The following EIF2A variants were observed in gnomAD, a reference collection of about 807,000 sequenced individuals.
EIF2A encodes the protein 65 kDa eukaryotic translation initiation factor 2A.
EIF2A carries 62 observed loss-of-function variants against 75.2 expected under a neutral mutation model. The observed-to-expected ratio is 0.82, with a 90% CI of 0.67 to 1.02. The LOEUF is 1.02. Ranked by LOEUF, EIF2A falls within the 50% of genes least tolerant of loss-of-function variation. The pLI is 0.00. For synonymous variants in EIF2A, 207 were observed against 239.0 expected (o/e 0.87, Z 1.23); for missense variants, 611 against 677.7 (o/e 0.90, Z 1.09).
At chr3:150,555,675 G>A (rs1723524708) in intron 2 of EIF2A, among the ~76,000 whole-genome samples, 1 of 151,920 alleles carries the variant, frequency 6.6e-6, no homozygotes, top group Admixed American at 6.5e-5. Context: ...GATCACTTGA[G>A]CCCAGGAGTT....
intron 11 of EIF2A, among the ~76,000 whole-genome samples, chr3:150,580,229 G>T (rs1039592330): frequency 6.6e-6 from 1 of 152,052 alleles, no homozygotes; most frequent in Non-Finnish European, 1.5e-5. Context: ...GGTGACTTGT[G>T]GGGGAAGGTG....
chr3:150,549,214 CTTTCTTTCT>C (rs1456653774), intron 1 of EIF2A, among the ~76,000 whole-genome samples: 2 of 111,762 alleles, frequency 1.8e-5, no homozygotes, highest in African/African-American at 6.6e-5. Flanking sequence ...TTCTTTCTTT[CTTTCTTTCT>C]TTTTTTTTTT....
At chr3:150,556,408 T>A (rs1053951443) in intron 2 of EIF2A, among the ~76,000 whole-genome samples, 2 of 152,200 alleles carry the variant, frequency 1.3e-5, no homozygotes, top group African/African-American at 4.8e-5. Context: ...CCTGGGGAGC[T>A]GTTAAAAAAC....
chr3:150,567,833 T>A (rs548363236), intron 7 of EIF2A, 67 bp downstream of exon 7: 1 of 1,575,832 alleles, frequency 6.3e-7, no homozygotes, highest in Non-Finnish European at 8.6e-7. Flanking sequence ...TTTGTGATTG[T>A]AAAAACATGT....
At chr3:150,557,205 G>A (rs1286463545) in intron 2 of EIF2A, among the ~76,000 whole-genome samples, 1 of 152,072 alleles carries the variant, frequency 6.6e-6, no homozygotes, top group African/African-American at 2.4e-5. Context: ...TGTAATGTAA[G>A]GACTGACTAA....
chr3:150,571,006 C>T (rs1724483471), intron 9 of EIF2A, among the ~76,000 whole-genome samples: 1 of 150,570 alleles, frequency 6.6e-6, no homozygotes, highest in South Asian at 2.2e-4. Flanking sequence ...GCAGAGGTTG[C>T]ATTGAGCCGA....
intron 6 of EIF2A, chr3:150,565,872 C>A (rs62283992): frequency 2.7e-5 from 4 of 146,440 alleles, no homozygotes; most frequent in African/African-American, 7.7e-5. Flanking sequence ...CTCGGCTTAC[C>A]GCAACCTCTG....
intron 10 of EIF2A, among the ~76,000 whole-genome samples, chr3:150,574,444 A>C (rs542110954): frequency 1.3e-5 from 2 of 152,326 alleles, no homozygotes; most frequent in Admixed American, 1.3e-4. Flanking sequence ...GCCAAAGTAA[A>C]CTACTACAGA....
intron 9 of EIF2A, among the ~76,000 whole-genome samples, chr3:150,568,806 C>G (rs937201297): frequency 6.6e-6 from 1 of 152,060 alleles, no homozygotes; most frequent in African/African-American, 2.4e-5. Context: ...AGTCCCAGCT[C>G]CTCAGGAGAC....
Position 150,571,944 on chromosome 3 carries a change from T to C in EIF2A, c.812-14T>C, listed in dbSNP as rs537162152. The C allele has an allele frequency of 1.7e-4, 265 of 1,590,370 alleles. 3 individuals are homozygous for C. In the East Asian group the frequency reaches 5.8e-3, roughly 35 times the overall value. On this transcript the variant is annotated splice_polypyrimidine_tract_variant and intron_variant, in intron 9 of 13. Coordinates refer to ENST00000460851, the MANE Select transcript of EIF2A (RefSeq NM_032025.5). Reference sequence around the variant, plus strand: ...TTCTTTATTGCTAATTTGGGCTTTATATTCTTTTTCTAGCAAAAAATGGCC... The same window carrying C: ...TTCTTTATTGCTAATTTGGGCTTTACATTCTTTTTCTAGCAAAAAATGGCC...
intron 2 of EIF2A, among the ~76,000 whole-genome samples, chr3:150,554,356 A>G (rs115928044): frequency 2.1e-3 from 319 of 152,354 alleles, no homozygotes; most frequent in African/African-American, 7.3e-3. Flanking sequence ...TTCTCAGAGT[A>G]ACCAAGTGGT....
chr3:150,563,060 G>A (rs1576594340), intron 4 of EIF2A, among the ~76,000 whole-genome samples: 3 of 152,078 alleles, frequency 2.0e-5, no homozygotes, highest in South Asian at 4.1e-4. Context: ...TGGTAGAGTC[G>A]AAAATGTTGT....
chr3:150,574,012 C>A (rs938741132), intron 10 of EIF2A, among the ~76,000 whole-genome samples: 8 of 151,956 alleles, frequency 5.3e-5, no homozygotes, highest in African/African-American at 1.5e-4. Context: ...GAGTTTGAGA[C>A]CAGCCAGGGC....
chr3:150,554,614 A>G (rs563338122), intron 2 of EIF2A, among the ~76,000 whole-genome samples: 2 of 152,292 alleles, frequency 1.3e-5, no homozygotes, highest in Admixed American at 6.5e-5. Context: ...TTCCCCAGTG[A>G]TACTGATGCT....
At chr3:150,580,992 G>A (rs769666423) in intron 11 of EIF2A, among the ~76,000 whole-genome samples, 1 of 152,170 alleles carries the variant, frequency 6.6e-6, no homozygotes, top group Non-Finnish European at 1.5e-5. Flanking sequence ...CTTGGTTACT[G>A]AAACCATGGT....
chr3:150,559,682 T>C (rs1576591796), intron 3 of EIF2A, among the ~76,000 whole-genome samples: 1 of 151,756 alleles, frequency 6.6e-6, no homozygotes, highest in African/African-American at 2.4e-5. Flanking sequence ...GTAGAGATGG[T>C]GTTTCACCAT....
intron 11 of EIF2A, among the ~76,000 whole-genome samples, chr3:150,576,627 G>A (rs1197140915): frequency 5.3e-5 from 8 of 152,140 alleles, no homozygotes; most frequent in African/African-American, 1.7e-4. Context: ...ATGTAAGCAT[G>A]TTACTTGCTG....
At chr3:150,572,869 A>AG (rs1490575638) in intron 10 of EIF2A, among the ~76,000 whole-genome samples, 3 of 151,848 alleles carry the variant, frequency 2.0e-5, no homozygotes, top group African/African-American at 7.3e-5. Context: ...AAAAAAAAAA[A>AG]AAACAACCTT....
intron 6 of EIF2A, chr3:150,565,660 G>T: frequency 6.4e-6 from 1 of 156,610 alleles, no homozygotes; most frequent in East Asian, 1.9e-4. Context: ...CTGGGCTCAA[G>T]CAATTCTCCT....
Sources: allele counts gnomAD v4.1 joint callset (sites outside exome capture counted in the v4.1 genomes callset), GRCh38; gene constraint gnomAD v4.1.1; transcripts MANE v1.5; gene names NCBI Gene and HGNC (gene_info 2026-07-23, HGNC 2026-07-21).